PPP1R7: variants seen among roughly 807,000 people sequenced by gnomAD.
The protein encoded by PPP1R7 is protein phosphatase 1 regulatory subunit 22.
Under a neutral mutation model 45.2 loss-of-function variants are expected in PPP1R7, and 18 were observed. That is an observed-to-expected ratio of 0.40 (90% CI 0.28 to 0.59). The LOEUF (loss-of-function observed/expected upper bound fraction) is 0.59. PPP1R7 is among the 20% of genes least tolerant of loss of function. The pLI, the probability that PPP1R7 is intolerant of heterozygous loss-of-function variation, is 0.46. For synonymous variants in PPP1R7, 181 were observed against 183.4 expected, an observed-to-expected ratio of 0.99 and a Z score of 0.11; for missense variants, 314 against 455.8, an observed-to-expected ratio of 0.69 and a Z score of 2.83.
chr2:241,168,139 C>A (rs1370949347), intron 8 of PPP1R7, among the ~76,000 whole-genome samples: 1 of 152,130 alleles, frequency 6.6e-6, no homozygotes, highest in Non-Finnish European at 1.5e-5. Context: ...TTCTTTTTTT[C>A]TGTTTCTTAA....
chr2:241,150,022 A>G (rs1490330720), upstream of PPP1R7: 1 of 1,389,308 alleles, frequency 7.2e-7, no homozygotes, highest in East Asian at 2.8e-5. Flanking sequence ...CCCATTGTAC[A>G]GACGCAGCCA....
In PPP1R7 at chr2:241,163,268, T is replaced by C. The variant is rs2067634525; in HGVS notation, c.598-17T>C. The C allele has an allele frequency of 6.4e-7, 1 of 1,568,006 alleles. No homozygotes were observed. Among genetic ancestry groups the C allele is most frequent in the Non-Finnish European group, 8.8e-7 (1 of 1,138,338 alleles). The stretch of plus-strand genomic sequence containing the variant: ...CTGTCAACTGCAGTACTCATTGCTG[T>C]TCTGTCCTTTCCACAGGCAATCGAA... On this transcript the variant is annotated splice_polypyrimidine_tract_variant and intron_variant, in intron 6 of 9. Coordinates refer to ENST00000234038, the MANE Select transcript of PPP1R7 (RefSeq NM_002712.3).
chr2:241,166,968 A>C, intron 8 of PPP1R7: 1 of 1,297,198 alleles, frequency 7.7e-7, no homozygotes, highest in South Asian at 1.3e-5. Flanking sequence ...CTCCTCCCCC[A>C]TTCCTCCCTG....
At chr2:241,162,839 C>T (rs906743949) in intron 6 of PPP1R7, among the ~76,000 whole-genome samples, 14 of 152,114 alleles carry the variant, frequency 9.2e-5, no homozygotes, top group African/African-American at 2.7e-4. Context: ...CCCGCCGCCA[C>T]GCCCAGCTAA....
At chr2:241,153,720 C>T in intron 2 of PPP1R7, 116 bp downstream of exon 2, 2 of 1,331,850 alleles carry the variant, frequency 1.5e-6, no homozygotes, top group Admixed American at 2.5e-5. Context: ...CTGCCGTGCT[C>T]CTTAGGGGTC....
At chr2:241,166,913 C>A in intron 8 of PPP1R7, 1 of 752,006 alleles carries the variant, frequency 1.3e-6, no homozygotes. Flanking sequence ...ACAGGACCAG[C>A]TCTCAGTCCC....
intron 2 of PPP1R7, among the ~76,000 whole-genome samples, chr2:241,156,804 C>T (rs1282441715): frequency 1.3e-5 from 2 of 152,144 alleles, no homozygotes; most frequent in Non-Finnish European, 2.9e-5. Flanking sequence ...GAAATACGAA[C>T]ACTGACAATC....
chr2:241,160,285 C>T, intron 5 of PPP1R7, 47 bp from the exon 6 acceptor site: 1 of 1,495,250 alleles, frequency 6.7e-7, no homozygotes, highest in Non-Finnish European at 9.0e-7. Flanking sequence ...TTCTATGCAA[C>T]CTATGCTCGT....
chr2:241,166,686 T>C lies in PPP1R7; in HGVS notation c.819+245T>C, dbSNP rs144345868. Among the ~76,000 whole-genome samples, 5 of 152,306 alleles carry C rather than the reference T, an allele frequency of 3.3e-5. No individual in the cohort carries two copies. In the East Asian group the frequency reaches 5.8e-4, roughly 18 times the overall value. On this transcript the variant is annotated intron_variant, in intron 8 of 9. Coordinates refer to ENST00000234038, the MANE Select transcript of PPP1R7 (RefSeq NM_002712.3). ...AGTGTGCCTTGAAGGGCTGACGCTT[T>C]ATGTGGGATTTCAGCACAGGCTTCC...
intron 9 of PPP1R7, among the ~76,000 whole-genome samples, chr2:241,179,927 G>A (rs1345757991): frequency 6.6e-6 from 1 of 152,218 alleles, no homozygotes; most frequent in African/African-American, 2.4e-5. Context: ...GGTTTACTAA[G>A]TCCTGGAGAA....
At chr2:241,167,089 C>G (rs1303120838) in intron 8 of PPP1R7, 2 of 1,609,676 alleles carry the variant, frequency 1.2e-6, no homozygotes, top group Admixed American at 3.3e-5. Context: ...GCTCACAGAG[C>G]CCCCACCCTC....
At chr2:241,166,464 G>A in intron 8 of PPP1R7, 23 bp downstream of exon 8, 4 of 1,606,006 alleles carry the variant, frequency 2.5e-6, no homozygotes, top group Non-Finnish European at 2.6e-6. Context: ...CTGTCTGTCT[G>A]GGGCTGTGTG....
chr2:241,160,528 G>A (rs1212088726), intron 6 of PPP1R7, 34 bp downstream of exon 6: 7 of 1,531,608 alleles, frequency 4.6e-6, no homozygotes, highest in Non-Finnish European at 6.1e-6. Flanking sequence ...GTATATTCAG[G>A]GAGAGGCAGC....
chr2:241,182,222 T>C (rs1258467283), intron 9 of PPP1R7, among the ~76,000 whole-genome samples: 4 of 152,224 alleles, frequency 2.6e-5, no homozygotes, highest in African/African-American at 4.8e-5. Flanking sequence ...TTGAGAGTTT[T>C]AAGTAGAGCG....
chr2:241,168,560 C>T (rs2067761132), intron 8 of PPP1R7, among the ~76,000 whole-genome samples: 1 of 152,242 alleles, frequency 6.6e-6, no homozygotes, highest in Non-Finnish European at 1.5e-5. Flanking sequence ...TCTGAACCCG[C>T]CCCACTGAGC....
rs535739740 is a variant in PPP1R7 at position 241,150,937 on chromosome 2, T to A, written c.52+390T>A. The stretch of plus-strand genomic sequence containing the variant: ...GGCGCTGGGATCTACCAGAGTCTGC[T>A]CCTTGGTTCACGTGGTGAGGGTGGA... On this transcript the variant is annotated intron_variant, in intron 1 of 9. Transcript: ENST00000234038. Among the ~76,000 whole-genome samples the A allele has an allele frequency of 7.4e-4, 113 of 152,346 alleles. 1 individual carries two copies. The highest frequency in any genetic ancestry group is 2.5e-3 in the African/African-American group (106 of 41,586).
chr2:241,164,287 G>A (rs2067659935), intron 7 of PPP1R7, among the ~76,000 whole-genome samples: 1 of 152,182 alleles, frequency 6.6e-6, no homozygotes, highest in South Asian at 2.1e-4. Flanking sequence ...GACTTCTTCA[G>A]AAGGTGGAGC....
chr2:241,172,209 C>G (rs2067829598), intron 9 of PPP1R7, among the ~76,000 whole-genome samples: 1 of 150,182 alleles, frequency 6.7e-6, no homozygotes, highest in African/African-American at 2.5e-5. Context: ...TGCTATACCT[C>G]TGTATTAGTG....
Position 241,153,485 on chromosome 2 carries a change from G to A in PPP1R7, c.62G>A (p.Arg21Gln), listed in dbSNP as rs374022726. Reference protein sequence around the residue: ...QSQEMMEVDRRVESEESGDEE... With the variant: ...QSQEMMEVDRQVESEESGDEE... Reference sequence around the variant, plus strand: ...ACATGTGTGGGTTCAGTTGACAGGCGGGTCGAGTCTGAAGAATCCGGCGAT... The same window carrying A: ...ACATGTGTGGGTTCAGTTGACAGGCAGGTCGAGTCTGAAGAATCCGGCGAT... Residue 21 changes from arginine (R) to glutamine (Q), a missense_variant, in exon 2 of 10, where the codon CGG becomes CAG. Around this residue, in one of 3 missense-constraint regions of PPP1R7, gnomAD observed 112 missense variants for 144.5 expected, o/e 0.78. Coordinates refer to ENST00000234038, the MANE Select transcript of PPP1R7 (RefSeq NM_002712.3). The A allele has an allele frequency of 8.1e-6, 13 of 1,614,160 alleles. No individual in the cohort carries two copies. Among genetic ancestry groups the A allele is most frequent in the African/African-American group, 2.7e-5 (2 of 75,062 alleles).
Sources: allele counts gnomAD v4.1 joint callset (sites outside exome capture counted in the v4.1 genomes callset), GRCh38; gene constraint gnomAD v4.1.1; regional missense constraint gnomAD v4.1.1; transcripts MANE v1.5; gene names NCBI Gene and HGNC (gene_info 2026-07-23, HGNC 2026-07-21).